PAX5: variants seen among roughly 807,000 people sequenced by gnomAD.
The protein encoded by PAX5 is paired box protein Pax-5.
A neutral mutation model predicts 43.7 loss-of-function variants in PAX5; 9 were observed. The ratio of observed to expected loss-of-function variants is 0.21; its 90% CI spans 0.12 to 0.36. The LOEUF (loss-of-function observed/expected upper bound fraction) is 0.36, where lower values mean the gene tolerates loss of function less well. Ranked by LOEUF, PAX5 falls within the 10% of genes least tolerant of loss-of-function variation. The probability of loss-of-function intolerance (pLI) is 1.00; values close to 1 mark genes in which losing one functional copy is unlikely to be tolerated. For synonymous variants in PAX5, 228 were observed against 214.3 expected (o/e 1.06, Z -0.56); for missense variants, 383 against 532.7 (o/e 0.72, Z 2.77).
intron 5 of PAX5, among the ~76,000 whole-genome samples, chr9:36,984,598 G>A (rs34117869): frequency 0.28 from 42,324 of 151,408 alleles, 6,219 homozygotes; most frequent in Middle Eastern, 0.39. Flanking sequence ...ACACAACCAC[G>A]CCAGGCTAAT....
Position 36,837,956 on chromosome 9 carries a change from TACAC to T in PAX5, c.*2600_*2603del. On this transcript the variant is annotated 3_prime_UTR_variant, in exon 10 of 10. Coordinates refer to ENST00000358127, the MANE Select transcript of PAX5 (RefSeq NM_016734.3). ...GGAGGGCAGGATCCAAAGATGTGGG[TACAC>T]ATCATTCCAAAAGAAGGGTGACAGG... 4.3e-6 allele frequency: 1 copy of T among 233,338 alleles called. No homozygotes were observed. Among genetic ancestry groups the T allele is most frequent in the Non-Finnish European group, 8.5e-6 (1 of 118,116 alleles). The allele number at this position is 233,338 out of a possible 1,614,324, so 14.5% of individuals were successfully genotyped here. A position where few individuals can be genotyped will look rare whatever the true frequency, so the allele number is the denominator to read the frequency against.
In PAX5 at chr9:36,835,295, G is replaced by A. The variant is rs1211089798; in HGVS notation, c.*5265C>T. 1.8e-4 allele frequency: 43 copies of A among 232,988 alleles called. No individual in the cohort carries two copies. In the East Asian group the frequency reaches 2.5e-3, roughly 13 times the overall value. 14.4% of individuals were successfully genotyped at this position (232,988 alleles called of 1,614,324 possible). A position where few individuals can be genotyped will look rare whatever the true frequency, so the allele number is the denominator to read the frequency against. On this transcript the variant is annotated 3_prime_UTR_variant, in exon 10 of 10. Transcript: ENST00000358127. The stretch of plus-strand genomic sequence containing the variant: ...CTTCAATCCTGGGGTGCCCAGGAAC[G>A]GAGCCTCAGTGCTGAGGAATTACCA...
At chr9:36,970,309 A>T (rs902861073) in intron 5 of PAX5, among the ~76,000 whole-genome samples, 2 of 152,136 alleles carry the variant, frequency 1.3e-5, no homozygotes, top group African/African-American at 4.8e-5. Context: ...AGGGTGCCAG[A>T]CTGAGGAGAT....
intron 6 of PAX5, among the ~76,000 whole-genome samples, chr9:36,947,931 C>T (rs1179252303): frequency 6.6e-6 from 1 of 152,134 alleles, no homozygotes; most frequent in African/African-American, 2.4e-5. Context: ...GCACCCCACC[C>T]CCGTTGCCCC....
At chr9:37,017,838 G>T (rs1441188411) in intron 2 of PAX5, among the ~76,000 whole-genome samples, 1 of 152,208 alleles carries the variant, frequency 6.6e-6, no homozygotes, top group Non-Finnish European at 1.5e-5. Flanking sequence ...CACTTAGAAG[G>T]CAACCCTGAC....
intron 8 of PAX5, among the ~76,000 whole-genome samples, chr9:36,875,640 T>C (rs756262213): frequency 6.6e-6 from 1 of 152,080 alleles, no homozygotes; most frequent in Non-Finnish European, 1.5e-5. Context: ...AAAATGAAAT[T>C]AGCTGTCCTG....
chr9:36,901,146 C>A lies in PAX5; in HGVS notation c.911-19041G>T, dbSNP rs553611242. Among the ~76,000 whole-genome samples, 32 of 152,260 alleles carry A rather than the reference C, an allele frequency of 2.1e-4. No individual in the cohort carries two copies. In the South Asian group the frequency reaches 6.6e-3, roughly 32 times the overall value. On this transcript the variant is annotated intron_variant, in intron 7 of 9. Transcript: ENST00000358127. Reference sequence around the variant, plus strand: ...CCTCTGTCAAGACCCCACAGAGATTCCCCTGGAGAGTCGACTCTCCTCAGG... The same window carrying A: ...CCTCTGTCAAGACCCCACAGAGATTACCCTGGAGAGTCGACTCTCCTCAGG...
chr9:36,845,154 C>A (rs1333047361), intron 9 of PAX5, among the ~76,000 whole-genome samples: 2 of 152,196 alleles, frequency 1.3e-5, no homozygotes, highest in East Asian at 3.9e-4. Flanking sequence ...TCAGAAGGAA[C>A]CTCTCCCACA....
At chr9:36,900,339 C>T (rs905330834) in intron 7 of PAX5, among the ~76,000 whole-genome samples, 4 of 152,164 alleles carry the variant, frequency 2.6e-5, no homozygotes, top group African/African-American at 9.7e-5. Flanking sequence ...CGGTGTCCAG[C>T]GACGGTTGTG....
rs1173348354 is a variant in PAX5 at position 37,002,786 on chromosome 9, G to A, written c.476-10C>T. 1.2e-6 allele frequency: 2 copies of A among 1,605,322 alleles called. No individual in the cohort carries two copies. Among genetic ancestry groups the A allele is most frequent in the South Asian group, 1.1e-5 (1 of 89,406 alleles). On this transcript the variant is annotated splice_polypyrimidine_tract_variant and intron_variant, in intron 4 of 9. Coordinates refer to ENST00000358127, the MANE Select transcript of PAX5 (RefSeq NM_016734.3). ...ACGGAGCCAGTGGACACTGCGCGGA[G>A]AAAGACGGGCGGTCAGGGCCGCAGA...
At chr9:36,944,191 TA>T (rs1265264403) in intron 6 of PAX5, among the ~76,000 whole-genome samples, 1 of 151,810 alleles carries the variant, frequency 6.6e-6, no homozygotes, top group African/African-American at 2.4e-5. Flanking sequence ...CTCAAAAAAA[TA>T]AAAGCTGATT....
At chr9:37,018,724 T>C (rs545365350) in intron 2 of PAX5, among the ~76,000 whole-genome samples, 6 of 152,304 alleles carry the variant, frequency 3.9e-5, no homozygotes, top group Admixed American at 3.3e-4. Flanking sequence ...TAATGAGCTA[T>C]GAAATTCCAA....
intron 5 of PAX5, among the ~76,000 whole-genome samples, chr9:36,979,952 C>T (rs1389073652): frequency 6.6e-6 from 1 of 152,182 alleles, no homozygotes. Context: ...AGCAGCCTAA[C>T]AGAGACTTGA....
At chr9:37,026,616 C>A in intron 1 of PAX5, 1 of 1,351,600 alleles carries the variant, frequency 7.4e-7, no homozygotes, top group Non-Finnish European at 9.7e-7. Flanking sequence ...GCCGCCGCCT[C>A]CCGGCGCCAA....
intron 6 of PAX5, among the ~76,000 whole-genome samples, chr9:36,957,201 C>T (rs1026065505): frequency 2.0e-5 from 3 of 152,222 alleles, no homozygotes; most frequent in African/African-American, 7.2e-5. Context: ...CATAGGAAGG[C>T]CCAGTTAAGT....
intron 1 of PAX5, among the ~76,000 whole-genome samples, chr9:37,027,021 G>A (rs1403617633): frequency 6.6e-6 from 1 of 152,204 alleles, no homozygotes; most frequent in Non-Finnish European, 1.5e-5. Context: ...AGACCCGGGG[G>A]CTGCCAGGCT....
intron 7 of PAX5, among the ~76,000 whole-genome samples, chr9:36,899,159 G>C (rs924061374): frequency 6.6e-6 from 1 of 152,108 alleles, no homozygotes; most frequent in Non-Finnish European, 1.5e-5. Flanking sequence ...AAATGTTGCC[G>C]CAGAGTCCTG....
chr9:36,980,413 C>T (rs1835812073), intron 5 of PAX5, among the ~76,000 whole-genome samples: 1 of 152,188 alleles, frequency 6.6e-6, no homozygotes, highest in Non-Finnish European at 1.5e-5. Flanking sequence ...AGAGACAGGG[C>T]TGGGGATTAG....
intron 7 of PAX5, among the ~76,000 whole-genome samples, chr9:36,919,755 G>C (rs1829991655): frequency 7.0e-6 from 1 of 143,538 alleles, no homozygotes; most frequent in South Asian, 2.3e-4. Flanking sequence ...GCAGAGAATT[G>C]CTTGAACCCG....
Sources: gnomAD v4.1 joint callset for allele counts (sites outside exome capture counted in the v4.1 genomes callset) on GRCh38, gnomAD v4.1.1 for gene constraint, MANE v1.5 for transcripts, NCBI Gene and HGNC (gene_info 2026-07-23, HGNC 2026-07-21) for gene names.